PUDP: variants seen among roughly 807,000 people sequenced by gnomAD.
The protein encoded by PUDP is pseudouridine-5'-phosphatase.
PUDP carries 8 observed loss-of-function variants against 9.4 expected under a neutral mutation model. The ratio of observed to expected loss-of-function variants is 0.85; its 90% CI spans 0.50 to 1.53. The LOEUF is 1.53. Ranked by LOEUF, PUDP falls within the 40% of genes most tolerant of loss-of-function variation. The pLI is 0.00. For missense variants in PUDP, 188 were observed against 189.7 expected, an observed-to-expected ratio of 0.99 and a Z score of 0.05; for synonymous variants, 99 against 80.7, an observed-to-expected ratio of 1.23 and a Z score of -1.22.
rs946598412 is a variant in PUDP at position 7,050,152 on chromosome X, C to A, written c.*144G>T. ...TATCAACACGTTAGACTGGGACAAA[C>A]CAACATGGGATGGAAACTCCAATCT... On this transcript the variant is annotated 3_prime_UTR_variant, in exon 4 of 4. Coordinates refer to ENST00000381077, the MANE Select transcript of PUDP (RefSeq NM_012080.5). 24 of 555,653 alleles carry A rather than the reference C, an allele frequency of 4.3e-5. No individual in the cohort carries two copies. Among genetic ancestry groups the A allele is most frequent in the South Asian group, 8.5e-5 (2 of 23,530 alleles). 45.8% of individuals were successfully genotyped at this position (555,653 alleles called of 1,213,427 possible).
intron 1 of PUDP, among the ~76,000 whole-genome samples, chrX:7,119,987 A>T (rs1356715848): frequency 3.6e-5 from 4 of 112,131 alleles, no homozygotes; most frequent in Non-Finnish European, 5.6e-5. Context: ...CTTCAAAATT[A>T]AAAGGCACAT....
intron 3 of PUDP, among the ~76,000 whole-genome samples, chrX:6,744,716 C>G (rs1474287205): frequency 9.0e-6 from 1 of 111,481 alleles, no homozygotes; most frequent in South Asian, 3.7e-4. Flanking sequence ...CTGACCCTAA[C>G]AGCTATGCGA....
At chrX:6,999,815 A>T (rs1012839555) in intron 1 of PUDP, among the ~76,000 whole-genome samples, 39 of 106,334 alleles carry the variant, frequency 3.7e-4, no homozygotes, top group African/African-American at 1.1e-3. Context: ...TTTAAAAATT[A>T]AAAAAAAAAC....
At chrX:6,999,917 T>C (rs1929302489) in intron 1 of PUDP, among the ~76,000 whole-genome samples, 1 of 111,030 alleles carries the variant, frequency 9.0e-6, no homozygotes, top group Non-Finnish European at 1.9e-5. Flanking sequence ...AGAATACCAT[T>C]AGGGCAGTAC....
At chrX:6,728,039 T>C (rs1322927444) in intron 3 of PUDP, among the ~76,000 whole-genome samples, 1 of 109,949 alleles carries the variant, frequency 9.1e-6, no homozygotes, top group Non-Finnish European at 1.9e-5. Context: ...GAAAAAGAGG[T>C]TTAATGGACT....
chrX:6,956,239 C>T (rs975326870), intron 3 of PUDP, among the ~76,000 whole-genome samples: 6 of 110,911 alleles, frequency 5.4e-5, no homozygotes, highest in Admixed American at 1.9e-4. Flanking sequence ...TTAGTAGAGA[C>T]GGGGTTTCAC....
At chrX:6,932,428 G>T (rs1928205778) in intron 3 of PUDP, among the ~76,000 whole-genome samples, 1 of 111,898 alleles carries the variant, frequency 8.9e-6, no homozygotes, top group East Asian at 2.8e-4. Context: ...CTCATCCATT[G>T]TGCTTGGTAA....
intron 3 of PUDP, among the ~76,000 whole-genome samples, chrX:6,891,044 G>A (rs1569118010): frequency 9.2e-6 from 1 of 108,900 alleles, no homozygotes; most frequent in Non-Finnish European, 1.9e-5. Context: ...TTGAGCTCAG[G>A]AGTTGGAAGC....
At chrX:6,980,621 C>T (rs1357708237) in intron 1 of PUDP, among the ~76,000 whole-genome samples, 1 of 109,292 alleles carries the variant, frequency 9.1e-6, no homozygotes, top group Non-Finnish European at 1.9e-5. Flanking sequence ...CCCTCTGTAT[C>T]CATGGGTTTC....
At chrX:6,933,131 AC>A (rs1569126278) in intron 3 of PUDP, among the ~76,000 whole-genome samples, 1 of 109,225 alleles carries the variant, frequency 9.2e-6, no homozygotes, top group Non-Finnish European at 1.9e-5. Context: ...TTCTCCCAGC[AC>A]GCAGCTGGAG....
intron 1 of PUDP, among the ~76,000 whole-genome samples, chrX:7,031,498 C>T (rs190267114): frequency 8.2e-4 from 92 of 112,052 alleles, no homozygotes; most frequent in African/African-American, 2.8e-3. Context: ...ACTGCTCCAT[C>T]ATCTGCTTTA....
At chrX:6,750,946 T>C (rs1249508299) in intron 3 of PUDP, among the ~76,000 whole-genome samples, 1 of 110,929 alleles carries the variant, frequency 9.0e-6, no homozygotes, top group Non-Finnish European at 1.9e-5. Flanking sequence ...GAGACCATCC[T>C]GGCTAACACG....
chrX:6,731,843 A>T (rs1047595889), intron 3 of PUDP, among the ~76,000 whole-genome samples: 2 of 110,890 alleles, frequency 1.8e-5, no homozygotes, highest in Non-Finnish European at 3.8e-5. Context: ...AACCTCCGGT[A>T]CTTCATACTG....
intron 3 of PUDP, among the ~76,000 whole-genome samples, chrX:6,874,527 C>T (rs780210297): frequency 9.1e-6 from 1 of 110,197 alleles, no homozygotes; most frequent in Admixed American, 9.6e-5. Context: ...CCAATTACTG[C>T]ACTCTGTAGC....
At position 6,761,685 on chromosome X, in the gene PUDP, G is replaced by T. The variant is rs1487485979; in HGVS notation, c.*248-55219C>A. Among the ~76,000 whole-genome samples, 3 of 112,066 alleles carry T rather than the reference G, an allele frequency of 2.7e-5. No individual in the cohort carries two copies. The East Asian group carries it at 8.4e-4, about 31-fold the overall frequency. On this transcript the variant is annotated intron_variant and NMD_transcript_variant, in intron 3 of 3. Coordinates refer to the PUDP transcript ENST00000655425. Reference sequence around the variant, plus strand: ...GATTTTTCTTAAAGAACAGGATTGAGATGCTGATGGGTTTGAAATAAAAGC... The same window carrying T: ...GATTTTTCTTAAAGAACAGGATTGATATGCTGATGGGTTTGAAATAAAAGC...
intron 3 of PUDP, among the ~76,000 whole-genome samples, chrX:6,943,249 C>G (rs1461635459): frequency 8.9e-6 from 1 of 112,158 alleles, no homozygotes; most frequent in Non-Finnish European, 1.9e-5. Flanking sequence ...ATGCTACCAA[C>G]TACACATCCC....
intron 3 of PUDP, among the ~76,000 whole-genome samples, chrX:6,796,432 T>C (rs936048671): frequency 8.9e-6 from 1 of 111,812 alleles, no homozygotes; most frequent in Non-Finnish European, 1.9e-5. Flanking sequence ...GAAGCATGCA[T>C]AAAAGGAAAG....
chrX:6,798,965 T>C (rs1289354737), intron 3 of PUDP, among the ~76,000 whole-genome samples: 1 of 111,557 alleles, frequency 9.0e-6, no homozygotes, highest in African/African-American at 3.3e-5. Context: ...TTTTATTTTT[T>C]TGTAGAGACA....
rs748670894 is a variant in PUDP, at chrX:6,966,545, A to ATTTTT, written c.*247+10583_*247+10587dup. Reference sequence around the variant, plus strand: ...GTCCTTTAGACTGGATCGCCTTCATATTTTTTTTTTTTTTTTTTTAGAGAC... The same window carrying ATTTTT: ...GTCCTTTAGACTGGATCGCCTTCATATTTTTTTTTTTTTTTTTTTTTTTTAGAGAC... On this transcript the variant is annotated intron_variant and NMD_transcript_variant, in intron 3 of 3. Coordinates refer to the PUDP transcript ENST00000655425. 6.7e-5 allele frequency among the ~76,000 whole-genome samples: 6 copies of ATTTTT among 89,608 alleles called. 1 individual carries two copies. Among genetic ancestry groups the ATTTTT allele is most frequent in the East Asian group, 3.6e-4 (1 of 2,775 alleles). The allele number at this position is 89,608 out of a possible 115,157, so 77.8% of individuals were successfully genotyped here.
Sources: allele counts gnomAD v4.1 joint callset (sites outside exome capture counted in the v4.1 genomes callset), GRCh38; gene constraint gnomAD v4.1.1; transcripts MANE v1.5; gene names NCBI Gene and HGNC (gene_info 2026-07-23, HGNC 2026-07-21).